Variants in CFAP97D2 observed in about 807,000 individuals in gnomAD.
CFAP97D2 encodes uncharacterized protein CFAP97D2.
chr13:114,181,448 A>T (rs1440166160), intron 1 of CFAP97D2, among the ~76,000 whole-genome samples: 4 of 152,088 alleles, frequency 2.6e-5, no homozygotes, highest in African/African-American at 7.2e-5. Context: ...CATTTAGGAC[A>T]AAGAAATGGG....
intron 1 of CFAP97D2, among the ~76,000 whole-genome samples, chr13:114,182,243 G>C (rs1226317403): frequency 2.6e-5 from 4 of 151,636 alleles, no homozygotes; most frequent in Admixed American, 6.6e-5. Context: ...ACGTAGGCCA[G>C]ATTTATGTTT....
At chr13:114,201,007 C>T (rs1364747229) in intron 3 of CFAP97D2, among the ~76,000 whole-genome samples, 1 of 152,198 alleles carries the variant, frequency 6.6e-6, no homozygotes, top group African/African-American at 2.4e-5. Context: ...GTGTGGGTCC[C>T]AGCCTGGGAT....
intron 4 of CFAP97D2, among the ~76,000 whole-genome samples, chr13:114,220,025 G>A (rs1053476857): frequency 6.6e-6 from 1 of 152,118 alleles, no homozygotes; most frequent in Non-Finnish European, 1.5e-5. Flanking sequence ...AGCTGGCGAC[G>A]AGGGAGCACG....
At chr13:114,220,113 C>G (rs2081013618) in intron 4 of CFAP97D2, among the ~76,000 whole-genome samples, 2 of 152,122 alleles carry the variant, frequency 1.3e-5, no homozygotes, top group Non-Finnish European at 2.9e-5. Flanking sequence ...AAGAAAAATG[C>G]TAAGTGTTAT....
In CFAP97D2 at chr13:114,196,099, C is replaced by T. The variant is rs148495488; in HGVS notation, c.91-297C>T. ...CTCAAAAAAAAAAAAAAAAAAAAGC[C>T]TCTTGGCAATAGAGTGCAGACTAGA... On this transcript the variant is annotated intron_variant, in intron 1 of 4. Transcript: ENST00000646158. Among the ~76,000 whole-genome samples, 4 of 144,414 alleles carry T rather than the reference C, an allele frequency of 2.8e-5. No homozygotes were observed. In the East Asian group the frequency reaches 8.5e-4, roughly 31 times the overall value. The allele number at this position is 144,414 out of a possible 152,430, so 94.7% of individuals were successfully genotyped here. A position where few individuals can be genotyped will look rare whatever the true frequency, so the allele number is the denominator to read the frequency against.
At chr13:114,205,613 G>A (rs531595391) in intron 3 of CFAP97D2, among the ~76,000 whole-genome samples, 44 of 151,860 alleles carry the variant, frequency 2.9e-4, no homozygotes, top group African/African-American at 9.6e-4. Context: ...AGAACAGCTC[G>A]TCCCTTTGGG....
intron 3 of CFAP97D2, among the ~76,000 whole-genome samples, chr13:114,210,829 TA>T (rs1372374779): frequency 6.7e-6 from 1 of 149,124 alleles, no homozygotes; most frequent in Non-Finnish European, 1.5e-5. Context: ...CTCCCAGGGT[TA>T]AATGAGAGAA....
Position 114,212,261 on chromosome 13 carries a change from A to G in CFAP97D2, c.480+160A>G, listed in dbSNP as rs773680921. The G allele has an allele frequency of 2.9e-4, 115 of 394,298 alleles. 1 individual carries two copies. The highest frequency in any genetic ancestry group is 2.4e-4 in the Non-Finnish European group (54 of 223,938). 24.4% of individuals were successfully genotyped at this position (394,298 alleles called of 1,614,324 possible). A position where few individuals can be genotyped will look rare whatever the true frequency, so the allele number is the denominator to read the frequency against. Reference sequence around the variant, plus strand: ...ATATGTCAAATGGTCACATCCTGTAACAGGAGATGCAAAACAGTCACTCAG... The same window carrying G: ...ATATGTCAAATGGTCACATCCTGTAGCAGGAGATGCAAAACAGTCACTCAG... On this transcript the variant is annotated intron_variant, in intron 4 of 4. Coordinates refer to ENST00000646158, the Ensembl canonical transcript of CFAP97D2.
At position 114,185,377 on chromosome 13, in the gene CFAP97D2, G is replaced by A. The variant is rs1189487143; in HGVS notation, c.90+5957G>A. 1.3e-5 allele frequency among the ~76,000 whole-genome samples: 2 copies of A among 152,218 alleles called. No individual in the cohort carries two copies. Among genetic ancestry groups the A allele is most frequent in the Non-Finnish European group, 2.9e-5 (2 of 68,036 alleles). ...AGGAGCAGGCAGAGAGGGGCCCAGT[G>A]GGGACCTGGAACCCCCACCCCGGCT... On this transcript the variant is annotated intron_variant, in intron 1 of 4. Coordinates refer to ENST00000646158, the Ensembl canonical transcript of CFAP97D2. The surrounding 1 kb of genome is among the most constrained non-coding windows in gnomAD (Gnocchi z 5.2).
At chr13:114,218,188 CA>C (rs2081004380) in intron 4 of CFAP97D2, among the ~76,000 whole-genome samples, 1 of 152,242 alleles carries the variant, frequency 6.6e-6, no homozygotes, top group Non-Finnish European at 1.5e-5. Context: ...TCTCAGGATA[CA>C]AAATCAATGT....
intron 1 of CFAP97D2, among the ~76,000 whole-genome samples, chr13:114,183,767 C>A (rs1394265067): frequency 6.6e-6 from 1 of 152,102 alleles, no homozygotes; most frequent in African/African-American, 2.4e-5. Context: ...CCCTAAAGGC[C>A]CCACCTCTTA....
chr13:114,206,499 A>C (rs2080941007), intron 3 of CFAP97D2, among the ~76,000 whole-genome samples: 2 of 152,242 alleles, frequency 1.3e-5, no homozygotes, highest in South Asian at 4.1e-4. Flanking sequence ...CCCAGCTATG[A>C]AATGGAATAA....
chr13:114,188,565 C>T (rs1298066870), intron 1 of CFAP97D2, among the ~76,000 whole-genome samples: 3 of 151,904 alleles, frequency 2.0e-5, no homozygotes, highest in Non-Finnish European at 4.4e-5. Flanking sequence ...ATCATGAGGT[C>T]AGGAGATCGA....
intron 4 of CFAP97D2, among the ~76,000 whole-genome samples, chr13:114,220,342 C>T (rs1373909065): frequency 6.6e-6 from 1 of 152,168 alleles, no homozygotes; most frequent in African/African-American, 2.4e-5. Flanking sequence ...AACCCCTTCC[C>T]TGCTCTCCAG....
intron 1 of CFAP97D2, among the ~76,000 whole-genome samples, chr13:114,195,314 T>C (rs983497703): frequency 6.6e-6 from 1 of 152,216 alleles, no homozygotes; most frequent in African/African-American, 2.4e-5. Context: ...AAGTTGCAGC[T>C]CCTAAGTGTG....
intron 1 of CFAP97D2, among the ~76,000 whole-genome samples, chr13:114,180,170 A>G (rs80009274): frequency 0.012 from 1,769 of 152,318 alleles, 97 homozygotes; most frequent in Admixed American, 0.081. Flanking sequence ...ATGTCTCCAC[A>G]TGTGTGTTGA....
At chr13:114,202,025 C>T (rs945971421) in intron 3 of CFAP97D2, among the ~76,000 whole-genome samples, 3 of 152,188 alleles carry the variant, frequency 2.0e-5, no homozygotes, top group African/African-American at 7.2e-5. Context: ...CCTTTCGGTC[C>T]CCCTACCCAC....
intron 4 of CFAP97D2, among the ~76,000 whole-genome samples, chr13:114,216,883 T>C (rs1274093740): frequency 1.3e-5 from 2 of 152,254 alleles, no homozygotes; most frequent in Non-Finnish European, 2.9e-5. Flanking sequence ...TCCACAATGG[T>C]TGAACTAGTT....
intron 4 of CFAP97D2, among the ~76,000 whole-genome samples, chr13:114,213,414 C>T (rs892530841): frequency 2.7e-5 from 4 of 148,236 alleles, no homozygotes; most frequent in South Asian, 4.4e-4. Flanking sequence ...ATGGAAACTC[C>T]AGGACCACAG....
Sources: allele counts gnomAD v4.1 joint callset (sites outside exome capture counted in the v4.1 genomes callset), GRCh38; gene constraint gnomAD v4.1.1; non-coding constraint Gnocchi (gnomAD v3.1); transcripts MANE v1.5; gene names NCBI Gene and HGNC (gene_info 2026-07-23, HGNC 2026-07-21).